The following SPTBN1 variants were observed in gnomAD, a reference collection of about 807,000 sequenced individuals.
SPTBN1 encodes spectrin beta, non-erythrocytic 1, also known as spectrin beta chain, non-erythrocytic 1.
Under a neutral mutation model 266.4 loss-of-function variants are expected in SPTBN1, and 32 were observed. The observed-to-expected ratio is 0.12, with a 90% CI of 0.09 to 0.16. The LOEUF (loss-of-function observed/expected upper bound fraction) is 0.16. Among genes scored for constraint, SPTBN1 ranks in the 10% least tolerant of loss-of-function variants. SPTBN1 has a pLI of 1.00. For missense variants in SPTBN1, 2,296 were observed against 3,067.1 expected, an observed-to-expected ratio of 0.75 and a Z score of 5.94; for synonymous variants, 1,336 against 1,162.2, an observed-to-expected ratio of 1.15 and a Z score of -3.04.
intron 1 of SPTBN1, among the ~76,000 whole-genome samples, chr2:54,471,303 C>G (rs1693905857): frequency 6.6e-6 from 1 of 152,192 alleles, no homozygotes; most frequent in Admixed American, 6.5e-5. Context: ...TGATCTTGCT[C>G]ATTTCCCTTG....
rs540844973 is a variant in SPTBN1 at position 54,645,321 on chromosome 2, C to T, written c.4362C>T (p.Asp1454=). The T allele has an allele frequency of 9.3e-6, 15 of 1,614,192 alleles. No homozygotes were observed. Among genetic ancestry groups the T allele is most frequent in the African/African-American group, 4.0e-5 (3 of 75,038 alleles). The change falls in exon 21 of 36, where the codon GAC becomes GAT. Residue 1454 remains aspartate (D), a synonymous_variant. Transcript: ENST00000356805. This position sits in a 1 kb window ranked among gnomAD's most constrained non-coding sequence, Gnocchi z 4.3. ...TGAGTCAGGAAGGGAAGAGCACCGA[C>T]GAGGTAGACAGCAAGCGCCTCACCG... is the stretch of plus-strand genomic sequence containing the variant. ...QALSQEGKST[D]EVDSKRLTVQ... is the part of the protein sequence containing the mutation.
Position 54,558,435 on chromosome 2 carries a change from G to T in SPTBN1, c.148+31869G>T, listed in dbSNP as rs1475815564. 3 of 1,025,608 alleles carry T rather than the reference G, an allele frequency of 2.9e-6. No homozygotes were observed. The highest frequency in any genetic ancestry group is 3.5e-6 in the Non-Finnish European group (3 of 856,570). 63.5% of individuals were successfully genotyped at this position (1,025,608 alleles called of 1,614,324 possible). A position where few individuals can be genotyped will look rare whatever the true frequency, so the allele number is the denominator to read the frequency against. ...CCGCGAGCTCCCGGGCTCGGCAACC[G>T]TGGCATGCTTAGGATTGGCCATATT... On this transcript the variant is annotated intron_variant, in intron 2 of 35. Transcript: ENST00000356805. The surrounding 1 kb of genome is among the most constrained non-coding windows in gnomAD (Gnocchi z 4.6).
intron 1 of SPTBN1, among the ~76,000 whole-genome samples, chr2:54,466,561 CAAAAAAAAAAAAAAAAAAAAAAAAAAAAA>C (rs768371303): frequency 0.019 from 95 of 4,988 alleles, 16 homozygotes; most frequent in African/African-American, 0.022. Context: ...GACTCCGTCT[CAAAAAAAAAAAAAAAAAAAAAAAAAAAAA>C]AAAAAAAAAA....
At chr2:54,472,020 A>ATTTTTTT (rs1420661034) in intron 1 of SPTBN1, among the ~76,000 whole-genome samples, 156 of 48,404 alleles carry the variant, frequency 3.2e-3, no homozygotes, top group African/African-American at 5.6e-3. Context: ...GGCCCTGAAG[A>ATTTTTTT]TGTTTTTTTT....
chr2:54,507,390 A>C (rs1351277043), intron 1 of SPTBN1, among the ~76,000 whole-genome samples: 1 of 152,120 alleles, frequency 6.6e-6, no homozygotes, highest in African/African-American at 2.4e-5. Flanking sequence ...ATAATGGGCA[A>C]TGTTTCTCAG....
intron 29 of SPTBN1, among the ~76,000 whole-genome samples, chr2:54,656,594 G>A (rs1461766587): frequency 6.6e-6 from 1 of 152,180 alleles, no homozygotes; most frequent in Non-Finnish European, 1.5e-5. Context: ...AGCACTAACA[G>A]CGCAATTCTA....
chr2:54,580,845 T>TC (rs900895274), intron 2 of SPTBN1, among the ~76,000 whole-genome samples: 19 of 152,084 alleles, frequency 1.2e-4, no homozygotes, highest in African/African-American at 4.1e-4. Flanking sequence ...TCCCTGTAAT[T>TC]CCAGCATTTT....
At chr2:54,457,572 T>C (rs1007125197) in intron 1 of SPTBN1, among the ~76,000 whole-genome samples, 10 of 152,176 alleles carry the variant, frequency 6.6e-5, no homozygotes, top group Admixed American at 2.0e-4. Flanking sequence ...GGGGATGTGC[T>C]TTTTTGGCAA....
intron 1 of SPTBN1, among the ~76,000 whole-genome samples, chr2:54,471,412 T>C (rs1693912300): frequency 6.6e-6 from 1 of 152,166 alleles, no homozygotes; most frequent in South Asian, 2.1e-4. Context: ...TGATACATAT[T>C]TTTTGGCTGA....
At chr2:54,590,536 G>GAGA (rs1675605075) in intron 2 of SPTBN1, among the ~76,000 whole-genome samples, 1 of 152,210 alleles carries the variant, frequency 6.6e-6, no homozygotes, top group Non-Finnish European at 1.5e-5. Flanking sequence ...GACACAAGAC[G>GAGA]TATAATAAAA....
chr2:54,582,831 C>T (rs1002465394), intron 2 of SPTBN1, among the ~76,000 whole-genome samples: 1 of 152,180 alleles, frequency 6.6e-6, no homozygotes, highest in Non-Finnish European at 1.5e-5. Flanking sequence ...ACTGCTGGGA[C>T]TGTGCTTGCT....
chr2:54,653,719 C>T lies in SPTBN1; in HGVS notation c.5688C>T (p.Leu1896=). ...ENEVLEAWKS[L]LDACESRRVR... ...AGGTCCTGGAAGCCTGGAAGTCCCT[C>T]CTGGACGCCTGTGAGAGCCGCAGGG... The change falls in exon 27 of 36, where the codon CTC becomes CTT. Residue 1896 remains leucine (L), a synonymous_variant. Coordinates refer to ENST00000356805, the MANE Select transcript of SPTBN1 (RefSeq NM_003128.3). The surrounding 1 kb of genome is among the most constrained non-coding windows in gnomAD (Gnocchi z 5.1). The T allele has an allele frequency of 1.9e-6, 3 of 1,614,234 alleles. No individual in the cohort carries two copies. Among genetic ancestry groups the T allele is most frequent in the Non-Finnish European group, 2.5e-6 (3 of 1,180,030 alleles).
chr2:54,635,423 G>A (rs1679053884), intron 17 of SPTBN1, among the ~76,000 whole-genome samples: 2 of 152,220 alleles, frequency 1.3e-5, no homozygotes, highest in African/African-American at 2.4e-5. Flanking sequence ...GCATAGATCG[G>A]TGTCATTTGG....
At chr2:54,535,765 T>C (rs1199518904) in intron 2 of SPTBN1, among the ~76,000 whole-genome samples, 1 of 152,184 alleles carries the variant, frequency 6.6e-6, no homozygotes, top group African/African-American at 2.4e-5. Flanking sequence ...GGCTCACACC[T>C]GTAATCCCAG....
At chr2:54,617,420 GTTTTAT>G (rs1677677731) in intron 5 of SPTBN1, among the ~76,000 whole-genome samples, 182 bp from the exon 6 acceptor site, 1 of 152,220 alleles carries the variant, frequency 6.6e-6, no homozygotes, top group Admixed American at 6.5e-5. Context: ...ATGGATGCAT[GTTTTAT>G]TTTTATTTTA....
intron 32 of SPTBN1, 144 bp downstream of exon 32, chr2:54,660,143 T>C: frequency 6.4e-7 from 1 of 1,560,290 alleles, no homozygotes; most frequent in Non-Finnish European, 8.7e-7. Flanking sequence ...TTTTGACTTT[T>C]TGGCTTCCAC....
intron 3 of SPTBN1, among the ~76,000 whole-genome samples, chr2:54,607,104 T>C (rs952859572): frequency 6.6e-6 from 1 of 152,260 alleles, no homozygotes. Context: ...ATCACATTAA[T>C]GTGAAAAGCT....
Position 54,624,938 on chromosome 2 carries a change from C to T in SPTBN1, c.1317C>T (p.Ser439=), listed in dbSNP as rs117512494. The change falls in exon 11 of 36, where the codon AGC becomes AGT. Residue 439 remains serine, a synonymous_variant. Coordinates refer to ENST00000356805, the MANE Select transcript of SPTBN1 (RefSeq NM_003128.3). ...RKAAMRETWL[S]ENQRLVSQDN... ...CAGCTATGAGGGAGACTTGGCTGAGCGAAAACCAGCGTCTGGTGTCTCAGG... is the reference window on the plus strand; with the variant it reads ...CAGCTATGAGGGAGACTTGGCTGAGTGAAAACCAGCGTCTGGTGTCTCAGG... 17 of 1,606,052 alleles carry T rather than the reference C, an allele frequency of 1.1e-5. No individual in the cohort carries two copies. The East Asian group carries it at 2.2e-4, about 21-fold the overall frequency.
chr2:54,652,375 G>A (rs1478039617), intron 26 of SPTBN1: 1 of 152,066 alleles, frequency 6.6e-6, no homozygotes, highest in Non-Finnish European at 1.5e-5. Context: ...CCACTTCATT[G>A]TCATCTTGGT....
Sources: allele counts gnomAD v4.1 joint callset (sites outside exome capture counted in the v4.1 genomes callset), GRCh38; gene constraint gnomAD v4.1.1; non-coding constraint Gnocchi (gnomAD v3.1); transcripts MANE v1.5; gene names NCBI Gene and HGNC (gene_info 2026-07-23, HGNC 2026-07-21).